NBAS: variants seen among roughly 807,000 people sequenced by gnomAD.
NBAS encodes NBAS subunit of NRZ tethering complex, also known as NAG/BC035112 fusion.
A neutral mutation model predicts 302.5 loss-of-function variants in NBAS; 219 were observed. The observed-to-expected ratio is 0.72, with a 90% CI of 0.65 to 0.81. NBAS has a LOEUF of 0.81. NBAS is among the 30% of genes least tolerant of loss of function. The pLI is 0.00. For synonymous variants in NBAS, 1,118 were observed against 1,021.6 expected (o/e 1.09, Z -1.80); for missense variants, 2,932 against 2,841.6 (o/e 1.03, Z -0.72).
At chr2:15,349,371 A>C (rs1301091401) in intron 35 of NBAS, among the ~76,000 whole-genome samples, 1 of 152,244 alleles carries the variant, frequency 6.6e-6, no homozygotes, top group Non-Finnish European at 1.5e-5. Context: ...AAAGAAATGT[A>C]ATGTGTTTTC....
the NBAS span, among the ~76,000 whole-genome samples, chr2:14,998,258 A>C: frequency 0.014 from 2,096 of 152,330 alleles, 23 homozygotes; most frequent in Non-Finnish European, 0.021. Flanking sequence ...AAAAAAAGAA[A>C]ATGGATGCTC....
chr2:14,789,478 G>C, the NBAS span, among the ~76,000 whole-genome samples: 167 of 152,176 alleles, frequency 1.1e-3, no homozygotes, highest in African/African-American at 3.9e-3. Flanking sequence ...CATATTGGCT[G>C]CCAAGTTCCT....
chr2:15,509,391 G>A (rs1182278819), intron 10 of NBAS, among the ~76,000 whole-genome samples: 1 of 151,970 alleles, frequency 6.6e-6, no homozygotes, highest in East Asian at 1.9e-4. Context: ...CTAGGTAGAT[G>A]GACAATAAAT....
At chr2:15,126,432 G>A in the NBAS span, among the ~76,000 whole-genome samples, 1 of 152,174 alleles carries the variant, frequency 6.6e-6, no homozygotes, top group African/African-American at 2.4e-5. Context: ...GGAAGACACA[G>A]GGAAGGGAAA....
At chr2:14,786,209 T>C in the NBAS span, among the ~76,000 whole-genome samples, 2 of 152,170 alleles carry the variant, frequency 1.3e-5, no homozygotes, top group Admixed American at 6.5e-5. Flanking sequence ...GATTCTTCTC[T>C]CTTTTCTTCT....
chr2:14,974,809 T>C, the NBAS span, among the ~76,000 whole-genome samples: 1 of 152,180 alleles, frequency 6.6e-6, no homozygotes, highest in African/African-American at 2.4e-5. Context: ...ACTCCCATGA[T>C]TGTGTTGTTT....
At chr2:14,805,372 G>T in the NBAS span, among the ~76,000 whole-genome samples, 1 of 152,186 alleles carries the variant, frequency 6.6e-6, no homozygotes, top group Admixed American at 6.5e-5. Context: ...ATGAGGGTAA[G>T]GAGGAAAACC....
intron 21 of NBAS, among the ~76,000 whole-genome samples, chr2:15,458,081 T>C (rs577878093): frequency 6.6e-6 from 1 of 152,280 alleles, no homozygotes; most frequent in East Asian, 1.9e-4. Flanking sequence ...CCGCCCTAAC[T>C]GGGATCTGAA....
intron 12 of NBAS, among the ~76,000 whole-genome samples, chr2:15,480,594 G>C (rs1224737777): frequency 5.3e-5 from 8 of 152,116 alleles, no homozygotes; most frequent in Non-Finnish European, 1.5e-5. Context: ...TTTTATGGTG[G>C]TATTCTTTTA....
chr2:15,396,315 A>G, intron 27 of NBAS, 98 bp downstream of exon 27: 1 of 955,338 alleles, frequency 1.0e-6, no homozygotes, highest in Non-Finnish European at 1.6e-6. Context: ...ATGAGGTTAA[A>G]GTAGAAACGA....
chr2:15,353,577 T>G lies in NBAS; in HGVS notation c.4065A>C (p.Ala1355=), dbSNP rs933319946. The G allele has an allele frequency of 1.2e-6, 2 of 1,614,034 alleles. No individual in the cohort carries two copies. The highest frequency in any genetic ancestry group is 2.7e-5 in the African/African-American group (2 of 75,038). ...CPPSSIELLL[A]ASSSLQTEIL... ...CTTCTGTCTGCAGAGAGCTGCTAGC[T>G]GCCAAAAGAAGTTCAATGCTGCTAG... Residue 1355 remains alanine (A), a synonymous_variant, in exon 34 of 52, where the codon GCA becomes GCC. Transcript: ENST00000281513.
chr2:14,912,703 T>TAAAAAAAAAAAA, the NBAS span, among the ~76,000 whole-genome samples: 5 of 78,544 alleles, frequency 6.4e-5, no homozygotes, highest in African/African-American at 1.8e-4. Context: ...CATTCATTTT[T>TAAAAAAAAAAAA]AAAAAAAAAA....
intron 48 of NBAS, among the ~76,000 whole-genome samples, chr2:15,194,396 G>A (rs1344255875): frequency 1.3e-5 from 2 of 151,990 alleles, no homozygotes; most frequent in African/African-American, 4.8e-5. Flanking sequence ...AGGAAGTGTC[G>A]CATTTTTTCA....
the NBAS span, among the ~76,000 whole-genome samples, chr2:15,130,216 T>C: frequency 1.3e-5 from 2 of 152,258 alleles, no homozygotes; most frequent in Non-Finnish European, 2.9e-5. Context: ...TGTTGAACTA[T>C]GTATCAGTAT....
At chr2:15,200,790 A>G (rs1419089951) in intron 48 of NBAS, among the ~76,000 whole-genome samples, 1 of 152,186 alleles carries the variant, frequency 6.6e-6, no homozygotes, top group African/African-American at 2.4e-5. Context: ...TCCTTGAAAA[A>G]GTGAACTAAG....
the NBAS span, among the ~76,000 whole-genome samples, chr2:14,861,692 T>G: frequency 6.6e-6 from 1 of 152,228 alleles, no homozygotes; most frequent in African/African-American, 2.4e-5. Flanking sequence ...GGCTTAAAAT[T>G]TTATATTGCA....
At chr2:15,013,196 A>C in the NBAS span, among the ~76,000 whole-genome samples, 1 of 152,200 alleles carries the variant, frequency 6.6e-6, no homozygotes, top group Non-Finnish European at 1.5e-5. Flanking sequence ...TGGCCTTACA[A>C]GAAATGCTCA....
chr2:15,294,291 A>C (rs138841770), intron 40 of NBAS, among the ~76,000 whole-genome samples: 320 of 152,340 alleles, frequency 2.1e-3, no homozygotes, highest in African/African-American at 6.9e-3. Context: ...GGCAGCAAAA[A>C]ACAGGGAGAC....
chr2:14,896,150 C>G, the NBAS span, among the ~76,000 whole-genome samples: 2 of 151,922 alleles, frequency 1.3e-5, no homozygotes, highest in Non-Finnish European at 2.9e-5. Flanking sequence ...TTACCTGAAT[C>G]GGCCCCTATT....
Sources: allele counts gnomAD v4.1 joint callset (sites outside exome capture counted in the v4.1 genomes callset), GRCh38; gene constraint gnomAD v4.1.1; transcripts MANE v1.5; gene names NCBI Gene and HGNC (gene_info 2026-07-23, HGNC 2026-07-21).